The following MROH2A variants were observed in gnomAD, a reference collection of about 807,000 sequenced individuals.
The protein encoded by MROH2A is maestro heat like repeat family member 2A.
A neutral mutation model predicts 200.4 loss-of-function variants in MROH2A; 174 were observed. That is an observed-to-expected ratio of 0.87 (90% CI 0.77 to 0.98). MROH2A has a LOEUF of 0.98. Ranked by LOEUF, MROH2A falls within the 50% of genes least tolerant of loss-of-function variation. The pLI, the probability that MROH2A is intolerant of heterozygous loss-of-function variation, is 0.00. For synonymous variants in MROH2A, 829 were observed against 840.4 expected, an observed-to-expected ratio of 0.99 and a Z score of 0.23; for missense variants, 2,045 against 2,139.6, an observed-to-expected ratio of 0.96 and a Z score of 0.87.
Position 233,818,126 on chromosome 2 carries a change from G to C in MROH2A, c.3085+1G>C, listed in dbSNP as rs1158510188. On this transcript the variant is annotated splice_donor_variant, in intron 28 of 41. Coordinates refer to ENST00000389758, the MANE Select transcript of MROH2A (RefSeq NM_001394639.1). LOFTEE classifies it high-confidence loss of function. ...CTGTCCAGCCTGCTAGATCTTCACG[G>C]TATGAGAGGGCAGGACATGAGGACC... 6.5e-7 allele frequency: 1 copy of C among 1,550,266 alleles called. No homozygotes were observed.
At chr2:233,799,571 AAGGCTCAATT>A (rs1395973677) in intron 12 of MROH2A, among the ~76,000 whole-genome samples, 199 bp from the exon 13 acceptor site, 1 of 152,112 alleles carries the variant, frequency 6.6e-6, no homozygotes, top group African/African-American at 2.4e-5. Context: ...GTGTCTCTCC[AAGGCTCAATT>A]AGGCTCCCAG....
chr2:233,802,384 C>A, intron 15 of MROH2A, 69 bp downstream of exon 15: 1 of 1,468,520 alleles, frequency 6.8e-7, no homozygotes, highest in Non-Finnish European at 9.1e-7. Flanking sequence ...GGAATGCCCA[C>A]CCCTCTCCAC....
In MROH2A at chr2:233,787,768, A is replaced by AT. The variant is rs1559436233; in HGVS notation, c.277-1729_277-1728insT. Among the ~76,000 whole-genome samples the AT allele has an allele frequency of 7.1e-5, 2 of 28,014 alleles. 1 individual carries two copies. Among genetic ancestry groups the AT allele is most frequent in the African/African-American group, 3.9e-4 (2 of 5,126 alleles). The allele number at this position is 28,014 out of a possible 152,430, so 18.4% of individuals were successfully genotyped here. ...TATATATATTATATATATCATATAT[A>AT]CATATATATTATATATATCATATAT... On this transcript the variant is annotated intron_variant, in intron 3 of 41. Coordinates refer to ENST00000389758, the MANE Select transcript of MROH2A (RefSeq NM_001394639.1).
chr2:233,785,018 C>T (rs1411794510), intron 3 of MROH2A, among the ~76,000 whole-genome samples: 1 of 151,970 alleles, frequency 6.6e-6, no homozygotes, highest in Admixed American at 6.6e-5. Context: ...TGGTGGTGCA[C>T]GCCTGTAATC....
In MROH2A at chr2:233,833,288, T is replaced by G. The variant is rs778355122; in HGVS notation, c.*29T>G. On this transcript the variant is annotated 3_prime_UTR_variant, in exon 42 of 42. Coordinates refer to ENST00000389758, the MANE Select transcript of MROH2A (RefSeq NM_001394639.1). ...GTCCAAACATAAGACGTAAACTGTCTTCTTAGTGCCAAATGCAAGCCCTTT... is the reference window on the plus strand; with the variant it reads ...GTCCAAACATAAGACGTAAACTGTCGTCTTAGTGCCAAATGCAAGCCCTTT... 4.2e-5 allele frequency: 63 copies of G among 1,488,104 alleles called. No individual in the cohort carries two copies. The highest frequency in any genetic ancestry group is 5.3e-5 in the Non-Finnish European group (59 of 1,120,604). The allele number at this position is 1,488,104 out of a possible 1,614,324, so 92.2% of individuals were successfully genotyped here. A position where few individuals can be genotyped will look rare whatever the true frequency, so the allele number is the denominator to read the frequency against.
At chr2:233,823,103 T>G in intron 34 of MROH2A, 85 bp downstream of exon 34, 1 of 1,436,826 alleles carries the variant, frequency 7.0e-7, no homozygotes, top group Non-Finnish European at 9.5e-7. Context: ...GAGGACATGG[T>G]CCAGTCATGG....
chr2:233,826,132 C>A (rs2885298), intron 35 of MROH2A, among the ~76,000 whole-genome samples: 12,873 of 152,032 alleles, frequency 0.085, 1,095 homozygotes, highest in African/African-American at 0.22. Context: ...ACCATGTTGG[C>A]CAGGATGGTC....
At chr2:233,789,665 C>T in intron 4 of MROH2A, 37 bp downstream of exon 4, 1 of 1,446,582 alleles carries the variant, frequency 6.9e-7, no homozygotes, top group East Asian at 2.5e-5. Context: ...TTCCCTCTGC[C>T]AGCCCAGGAG....
Position 233,789,954 on chromosome 2 carries a change from C to A in MROH2A, c.511C>A (p.Pro171Thr), listed in dbSNP as rs898169607. The A allele has an allele frequency of 2.6e-6, 4 of 1,550,392 alleles. No individual in the cohort carries two copies. Among genetic ancestry groups the A allele is most frequent in the Middle Eastern group, 1.7e-4 (1 of 6,000 alleles). ...GTACGAGCTGCAGCACCACCTCAAG[C>A]CCCTCAACCTCACTGATGAATTTGT... is the stretch of plus-strand genomic sequence containing the variant. ...VMYELQHHLK[P>T]LNLTDEFVII... Residue 171 changes from proline (P) to threonine (T), a missense_variant, in exon 5 of 42, where the codon CCC becomes ACC. Transcript: ENST00000389758.
rs1372156696 is a variant in MROH2A at position 233,818,725 on chromosome 2, C to A, written c.3159C>A (p.Ser1053Arg). Residue 1053 changes from serine (S) to arginine (R), a missense_variant, in exon 29 of 42, where the codon AGC (serine) becomes AGA (arginine). Ser to Arg is a moderately radical substitution (Grantham distance 110). Transcript: ENST00000389758. ...AGAAATGTAAGGGGGACCTCCAGAGCACAGATGTGGAGAAGATCTTCTGTG... is the reference window on the plus strand; with the variant it reads ...AGAAATGTAAGGGGGACCTCCAGAGAACAGATGTGGAGAAGATCTTCTGTG... The part of the protein sequence containing the change: ...ELEKCKGDLQ[S>R]TDVEKIFCAS... 3 of 1,550,128 alleles carry A rather than the reference C, an allele frequency of 1.9e-6. No individual in the cohort carries two copies. The highest frequency in any genetic ancestry group is 2.6e-6 in the Non-Finnish European group (3 of 1,146,748).
chr2:233,790,257 G>T (rs1701631124), intron 5 of MROH2A, among the ~76,000 whole-genome samples: 1 of 112,518 alleles, frequency 8.9e-6, no homozygotes, highest in South Asian at 3.3e-4. Context: ...GCATTGTTCT[G>T]TCTTTCCATC....
rs1467559657 is a variant in MROH2A at position 233,818,659 on chromosome 2, G to A, written c.3093G>A (p.Gln1031=). 1 of 1,546,576 alleles carries A rather than the reference G, an allele frequency of 6.5e-7. No homozygotes were observed. The highest frequency in any genetic ancestry group is 2.0e-5 in the Admixed American group (1 of 51,000). ...AAGTTGTATTCCCGACAGCAAGCCAGACCTGCTCCTTGTGGGGCCCTTCCA... is the reference window on the plus strand; with the variant it reads ...AAGTTGTATTCCCGACAGCAAGCCAAACCTGCTCCTTGTGGGGCCCTTCCA... ...LSSLLDLHAS[Q]TCSLWGPSKQ... is the part of the protein sequence containing the mutation. The change falls in exon 29 of 42, where the codon CAG becomes CAA. Residue 1031 remains glutamine, a synonymous_variant. Coordinates refer to ENST00000389758, the MANE Select transcript of MROH2A (RefSeq NM_001394639.1).
Position 233,820,026 on chromosome 2 carries a change from C to T in MROH2A, c.3482C>T (p.Ser1161Leu), listed in dbSNP as rs540608731. The T allele has an allele frequency of 5.8e-5, 90 of 1,542,368 alleles. No individual in the cohort carries two copies. The African/African-American group carries it at 7.1e-4, about 12-fold the overall frequency. The change falls in exon 31 of 42, where the codon TCG becomes TTG. Residue 1161 changes from serine to leucine, a missense_variant. Transcript: ENST00000389758. The surrounding 1 kb of genome is among the most constrained non-coding windows in gnomAD (Gnocchi z 4.1). ...CACCACCAGGAGACCATCCTCACAT[C>T]GCTCCTGAGGCAGCCACTGCCCATG... The part of the protein sequence containing the change: ...AHHHQETILT[S>L]LLRQPLPMES...
intron 3 of MROH2A, among the ~76,000 whole-genome samples, chr2:233,783,586 C>A (rs1301102343): frequency 6.6e-6 from 1 of 152,032 alleles, no homozygotes; most frequent in Non-Finnish European, 1.5e-5. Context: ...CACACTGTTG[C>A]CCAGGCTGGA....
chr2:233,821,182 G>A (rs912429218), intron 31 of MROH2A, among the ~76,000 whole-genome samples: 3 of 152,212 alleles, frequency 2.0e-5, no homozygotes, highest in African/African-American at 7.2e-5. Flanking sequence ...TTTCTGTTCA[G>A]GGTCTCACAA....
intron 40 of MROH2A, 33 bp from the exon 41 acceptor site, chr2:233,832,546 G>T: frequency 1.4e-6 from 2 of 1,446,426 alleles, no homozygotes; most frequent in Non-Finnish European, 1.9e-6. Context: ...CCTAATACTC[G>T]CGTGATGAGC....
At chr2:233,824,655 C>G (rs1264159584) in intron 35 of MROH2A, among the ~76,000 whole-genome samples, 1 of 152,240 alleles carries the variant, frequency 6.6e-6, no homozygotes, top group Non-Finnish European at 1.5e-5. Flanking sequence ...CTCTGAGCTT[C>G]AAGCTCTCCA....
intron 39 of MROH2A, 40 bp downstream of exon 39, chr2:233,831,580 C>T (rs1412688605): frequency 2.6e-6 from 4 of 1,538,032 alleles, no homozygotes; most frequent in Non-Finnish European, 3.5e-6. Context: ...TCCCAGGTGG[C>T]CACACGCTGG....
rs117176451 is a variant in MROH2A, at chr2:233,805,488, T to C, written c.2052+377T>C. ...TTCAAATGGTGATACTCTCCAAATTTATCTTCAGTTTTAGCATGACACCTA... is the reference window on the plus strand; with the variant it reads ...TTCAAATGGTGATACTCTCCAAATTCATCTTCAGTTTTAGCATGACACCTA... On this transcript the variant is annotated intron_variant, in intron 19 of 41. Coordinates refer to ENST00000389758, the MANE Select transcript of MROH2A (RefSeq NM_001394639.1). Among the ~76,000 whole-genome samples, 182 of 152,350 alleles carry C rather than the reference T, an allele frequency of 1.2e-3. 2 individuals are homozygous for C. The East Asian group carries it at 0.033, about 28-fold the overall frequency.
Sources: gnomAD v4.1 joint callset for allele counts (sites outside exome capture counted in the v4.1 genomes callset) on GRCh38, gnomAD v4.1.1 for gene constraint, Gnocchi (gnomAD v3.1) non-coding constraint, MANE v1.5 for transcripts, NCBI Gene and HGNC (gene_info 2026-07-23, HGNC 2026-07-21) for gene names.